MFF: variants seen among roughly 807,000 people sequenced by gnomAD.
The protein encoded by MFF is mitochondrial fission factor, also known as chromosome 2 open reading frame 33.
A neutral mutation model predicts 36.9 loss-of-function variants in MFF; 12 were observed. The observed-to-expected ratio is 0.33, with a 90% CI of 0.21 to 0.53. The LOEUF (loss-of-function observed/expected upper bound fraction) is 0.53, where lower values mean the gene tolerates loss of function less well. Ranked by LOEUF, MFF falls within the 20% of genes least tolerant of loss-of-function variation. The pLI, the probability that MFF is intolerant of heterozygous loss-of-function variation, is 0.95. For synonymous variants in MFF, 99 were observed against 126.2 expected, an observed-to-expected ratio of 0.78 and a Z score of 1.44; for missense variants, 348 against 366.6, an observed-to-expected ratio of 0.95 and a Z score of 0.42.
intron 1 of MFF, among the ~76,000 whole-genome samples, chr2:227,328,024 T>A (rs2074287453): frequency 5.3e-5 from 8 of 152,196 alleles, no homozygotes; most frequent in Admixed American, 5.2e-4. Flanking sequence ...CTTGCGTACT[T>A]TGTACCGAGT....
rs769235996 is a variant in MFF at position 227,325,396 on chromosome 2, G to T, written c.-184G>T. The T allele has an allele frequency of 5.8e-5, 9 of 155,442 alleles. No homozygotes were observed. 9.6% of individuals were successfully genotyped at this position (155,442 alleles called of 1,614,324 possible). Reference sequence around the variant, plus strand: ...GCGCCCCGGGAGCCAGAGGGCGGGGGTCCTCGCCGGGACCCTCCTGTGGGC... The same window carrying T: ...GCGCCCCGGGAGCCAGAGGGCGGGGTTCCTCGCCGGGACCCTCCTGTGGGC... On this transcript the variant is annotated 5_prime_UTR_variant, in exon 1 of 9. Coordinates refer to ENST00000304593, the MANE Select transcript of MFF (RefSeq NM_001277062.2).
chr2:227,350,741 T>G (rs1367557647), intron 6 of MFF, among the ~76,000 whole-genome samples: 2 of 152,186 alleles, frequency 1.3e-5, no homozygotes, highest in African/African-American at 4.8e-5. Flanking sequence ...TCAAAAAATG[T>G]CAGTACGCAA....
chr2:227,339,059 A>G (rs1277648956), intron 4 of MFF, among the ~76,000 whole-genome samples: 1 of 151,934 alleles, frequency 6.6e-6, no homozygotes, highest in Non-Finnish European at 1.5e-5. Flanking sequence ...AAAATTAGCC[A>G]GGTGCGGTGG....
intron 7 of MFF, among the ~76,000 whole-genome samples, chr2:227,354,403 A>G (rs2076158906): frequency 6.6e-6 from 1 of 152,134 alleles, no homozygotes; most frequent in Non-Finnish European, 1.5e-5. Flanking sequence ...AATTCTCTGG[A>G]CTACACAGGA....
intron 6 of MFF, among the ~76,000 whole-genome samples, chr2:227,347,658 T>C (rs116311867): frequency 1.3e-3 from 203 of 152,346 alleles, no homozygotes; most frequent in Non-Finnish European, 2.4e-3. Context: ...CTCTAAGTAC[T>C]TGATTCCACT....
intron 6 of MFF, among the ~76,000 whole-genome samples, chr2:227,351,128 G>T (rs1256152072): frequency 6.6e-6 from 1 of 152,164 alleles, no homozygotes; most frequent in Non-Finnish European, 1.5e-5. Flanking sequence ...TCATGTTAGT[G>T]CAATTTAAGA....
chr2:227,337,263 A>T (rs145686911), intron 4 of MFF, among the ~76,000 whole-genome samples: 2 of 152,364 alleles, frequency 1.3e-5, no homozygotes, highest in African/African-American at 4.8e-5. Context: ...ACCCGCAGTC[A>T]CTGGCTTAAC....
chr2:227,329,829 G>A (rs1238148359), intron 2 of MFF: 1 of 1,344,484 alleles, frequency 7.4e-7, no homozygotes. Flanking sequence ...AGGTTTGAGA[G>A]ACAATGGCTT....
In MFF at chr2:227,332,488, C is replaced by T; in HGVS notation, c.251C>T (p.Pro84Leu). The change falls in exon 4 of 9, where the codon CCC (proline) becomes CTC (leucine). Residue 84 changes from proline (P) to leucine (L), a missense_variant. Physicochemically the swap from Pro to Leu is moderately conservative, Grantham distance 98. Coordinates refer to ENST00000304593, the MANE Select transcript of MFF (RefSeq NM_001277062.2). ...LDLIQSTPFK[P>L]LALKTPPRVL... ...CTTATTCAGTCAACTCCCTTTAAAC[C>T]CCTGGCACTGAAAACACCACCTCGT... 6.2e-7 allele frequency: 1 copy of T among 1,613,556 alleles called. No individual in the cohort carries two copies. Among genetic ancestry groups the T allele is most frequent in the Non-Finnish European group, 8.5e-7 (1 of 1,179,624 alleles).
At chr2:227,356,793 G>A (rs1474538773) in intron 8 of MFF, among the ~76,000 whole-genome samples, 193 bp from the exon 9 acceptor site, 1 of 152,188 alleles carries the variant, frequency 6.6e-6, no homozygotes, top group Non-Finnish European at 1.5e-5. Context: ...GGATGTTTAA[G>A]TGAATTTAAG....
chr2:227,329,960 A>G (rs1290796524), intron 2 of MFF: 5 of 436,768 alleles, frequency 1.1e-5, no homozygotes, highest in Admixed American at 4.3e-5. Flanking sequence ...TATTAAATAC[A>G]GATTAATAGT....
chr2:227,325,254 AG>A lies in MFF; in HGVS notation c.-322del, dbSNP rs1304341359. The A allele has an allele frequency of 6.6e-6, 1 of 152,272 alleles. No homozygotes were observed. The highest frequency in any genetic ancestry group is 6.5e-5 in the Admixed American group (1 of 15,292). 9.4% of individuals were successfully genotyped at this position (152,272 alleles called of 1,614,324 possible). The stretch of plus-strand genomic sequence containing the variant: ...ACACTCTTCCGCTACGGCTCCCAGA[AG>A]GGGCCAGCCCGCGCCTTTCGCGCTT... On this transcript the variant is annotated 5_prime_UTR_variant, in exon 1 of 9. Coordinates refer to ENST00000304593, the MANE Select transcript of MFF (RefSeq NM_001277062.2).
At chr2:227,352,786 T>C (rs2076067083) in intron 7 of MFF, among the ~76,000 whole-genome samples, 1 of 152,212 alleles carries the variant, frequency 6.6e-6, no homozygotes. Context: ...TTAATAATTA[T>C]GGTATGATGT....
intron 7 of MFF, 64 bp downstream of exon 7, chr2:227,352,637 A>G: frequency 1.5e-6 from 2 of 1,291,954 alleles, no homozygotes; most frequent in Non-Finnish European, 1.1e-6. Context: ...GTTGCAGGGC[A>G]TGTTGCATGT....
chr2:227,345,063 A>G (rs1041024277), intron 5 of MFF, among the ~76,000 whole-genome samples: 7 of 152,194 alleles, frequency 4.6e-5, no homozygotes, highest in African/African-American at 1.7e-4. Context: ...TTAGAATCCA[A>G]CCTTCTGCAT....
At chr2:227,347,850 G>A (rs535511202) in intron 6 of MFF, among the ~76,000 whole-genome samples, 1 of 152,172 alleles carries the variant, frequency 6.6e-6, no homozygotes, top group Non-Finnish European at 1.5e-5. Flanking sequence ...CTCAGCTACG[G>A]ATTTCTAGGC....
At chr2:227,331,171 C>T (rs2074544157) in intron 3 of MFF, among the ~76,000 whole-genome samples, 1 of 152,144 alleles carries the variant, frequency 6.6e-6, no homozygotes, top group African/African-American at 2.4e-5. Context: ...TCCTTTGTGC[C>T]TCTTTCTCAC....
At chr2:227,347,185 T>C (rs1285137160) in intron 5 of MFF, 41 bp from the exon 6 acceptor site, 1 of 1,581,732 alleles carries the variant, frequency 6.3e-7, no homozygotes, top group South Asian at 1.1e-5. Context: ...AAAATCTGAC[T>C]TGAGTGTTTT....
chr2:227,331,959 A>ATAT (rs572787657), intron 3 of MFF, among the ~76,000 whole-genome samples: 20,571 of 76,738 alleles, frequency 0.27, 6,710 homozygotes, highest in South Asian at 0.45. Flanking sequence ...CGCTGGAAGC[A>ATAT]TTTTTTTTTT....
Sources: gnomAD v4.1 joint callset for allele counts (sites outside exome capture counted in the v4.1 genomes callset) on GRCh38, gnomAD v4.1.1 for gene constraint, MANE v1.5 for transcripts, NCBI Gene and HGNC (gene_info 2026-07-23, HGNC 2026-07-21) for gene names.